Variants in TRAPPC9 observed in about 807,000 individuals in gnomAD.
The protein encoded by TRAPPC9 is trafficking protein particle complex subunit 9.
A neutral mutation model predicts 124.0 loss-of-function variants in TRAPPC9; 83 were observed. The ratio of observed to expected loss-of-function variants is 0.67; its 90% confidence interval spans 0.56 to 0.80. The LOEUF (loss-of-function observed/expected upper bound fraction) is 0.80. TRAPPC9 is among the 30% of genes least tolerant of loss of function. The pLI is 0.00. For synonymous variants in TRAPPC9, 638 were observed against 617.5 expected (o/e 1.03, Z -0.49); for missense variants, 1,302 against 1,508.3 (o/e 0.86, Z 2.27).
intron 17 of TRAPPC9, among the ~76,000 whole-genome samples, chr8:140,072,868 A>C (rs1843273604): frequency 6.6e-6 from 1 of 152,212 alleles, no homozygotes; most frequent in Non-Finnish European, 1.5e-5. Context: ...AGTCTATAAA[A>C]ATACAAACAA....
At chr8:140,108,342 G>C (rs2060704598) in intron 17 of TRAPPC9, among the ~76,000 whole-genome samples, 1 of 152,256 alleles carries the variant, frequency 6.6e-6, no homozygotes, top group Non-Finnish European at 1.5e-5. Context: ...CAGCCTCTCA[G>C]AGTGGATGGG....
intron 17 of TRAPPC9, among the ~76,000 whole-genome samples, chr8:140,128,123 G>A (rs540532111): frequency 2.0e-5 from 3 of 152,228 alleles, no homozygotes; most frequent in Non-Finnish European, 2.9e-5. Flanking sequence ...GTGTTAATTT[G>A]TTTTTATCAA....
At position 139,776,326 on chromosome 8, in the gene TRAPPC9, G is replaced by C. The variant is rs1437439636; in HGVS notation, c.3056-44124C>G. 3.3e-5 allele frequency among the ~76,000 whole-genome samples: 5 copies of C among 152,234 alleles called. No individual in the cohort carries two copies. The highest frequency in any genetic ancestry group is 1.5e-5 in the Non-Finnish European group (1 of 68,050). ...CAGGCCCAAACAGGGGACGTCAGCT[G>C]CTATGTGACGTCATCTCACTCGTCA... On this transcript the variant is annotated intron_variant, in intron 21 of 22. Transcript: ENST00000438773. The surrounding 1 kb of genome is among the most constrained non-coding windows in gnomAD (Gnocchi z 4.1).
At chr8:139,942,091 G>A (rs183050739) in intron 19 of TRAPPC9, among the ~76,000 whole-genome samples, 8 of 152,258 alleles carry the variant, frequency 5.3e-5, no homozygotes, top group African/African-American at 9.6e-5. Flanking sequence ...TAAAAGACTC[G>A]CCTTACTGAT....
intron 17 of TRAPPC9, among the ~76,000 whole-genome samples, chr8:140,106,162 G>C (rs1000150028): frequency 5.3e-5 from 8 of 152,020 alleles, no homozygotes; most frequent in Non-Finnish European, 1.2e-4. Flanking sequence ...TTGCCAGGAC[G>C]AAAGCCTCTC....
At chr8:140,311,156 G>T (rs1398622948) in intron 10 of TRAPPC9, 92 bp downstream of exon 10, 3 of 1,504,054 alleles carry the variant, frequency 2.0e-6, no homozygotes, top group African/African-American at 2.8e-5. Context: ...AACAAAAATG[G>T]GAACTCTTCT....
chr8:139,780,345 G>A (rs1048958535), intron 21 of TRAPPC9, among the ~76,000 whole-genome samples: 21 of 152,228 alleles, frequency 1.4e-4, no homozygotes, highest in African/African-American at 4.8e-4. Flanking sequence ...AACAGATCAC[G>A]GGAACAGAAC....
chr8:139,803,270 G>T (rs767062066), intron 21 of TRAPPC9, among the ~76,000 whole-genome samples: 2 of 152,228 alleles, frequency 1.3e-5, no homozygotes, highest in Non-Finnish European at 2.9e-5. Context: ...CTCTCATCAG[G>T]CTCACAGCCT....
At chr8:140,271,742 T>G (rs531243430) in intron 15 of TRAPPC9, among the ~76,000 whole-genome samples, 1 of 152,306 alleles carries the variant, frequency 6.6e-6, no homozygotes, top group Admixed American at 6.5e-5. Flanking sequence ...ATGAATAACA[T>G]GAGTGCAAAC....
intron 11 of TRAPPC9, among the ~76,000 whole-genome samples, chr8:140,293,454 T>G (rs2065719154): frequency 1.3e-5 from 2 of 152,078 alleles, no homozygotes; most frequent in Non-Finnish European, 2.9e-5. Context: ...AGCAAAGACT[T>G]GGAACCAACC....
chr8:140,062,151 G>C (rs1006337316), intron 17 of TRAPPC9, among the ~76,000 whole-genome samples: 2 of 152,182 alleles, frequency 1.3e-5, no homozygotes, highest in Non-Finnish European at 2.9e-5. Context: ...GCACAGGTCT[G>C]CAGGGCAGGA....
intron 21 of TRAPPC9, among the ~76,000 whole-genome samples, chr8:139,791,581 G>C (rs1343969746): frequency 7.1e-6 from 1 of 141,678 alleles, no homozygotes; most frequent in Non-Finnish European, 1.5e-5. Context: ...CCCCTGCACA[G>C]ACACACACAC....
chr8:140,164,533 C>A (rs2061801048), intron 17 of TRAPPC9, among the ~76,000 whole-genome samples: 1 of 152,184 alleles, frequency 6.6e-6, no homozygotes, highest in Non-Finnish European at 1.5e-5. Flanking sequence ...TCAGCAATGG[C>A]CCAATTTCCT....
intron 18 of TRAPPC9, among the ~76,000 whole-genome samples, chr8:140,015,906 C>A (rs11166944): frequency 1.3e-5 from 2 of 151,746 alleles, no homozygotes; most frequent in Non-Finnish European, 2.9e-5. Context: ...CTACACCTTC[C>A]CCGGCTGCCC....
chr8:139,788,803 G>C lies in TRAPPC9; in HGVS notation c.3056-56601C>G, dbSNP rs537644847. ...ACCCACAAATCACACAACACCCTGG[G>C]CCAGCTGCCTTCACAAGAGGTGTGG... On this transcript the variant is annotated intron_variant, in intron 21 of 22. Coordinates refer to ENST00000438773, the MANE Select transcript of TRAPPC9 (RefSeq NM_001160372.4). This position sits in a 1 kb window ranked among gnomAD's most constrained non-coding sequence, Gnocchi z 4.9. Among the ~76,000 whole-genome samples, 1 of 152,170 alleles carries C rather than the reference G, an allele frequency of 6.6e-6. No individual in the cohort carries two copies. The highest frequency in any genetic ancestry group is 1.5e-5 in the Non-Finnish European group (1 of 68,024).
At chr8:140,316,595 A>T (rs2066449236) in intron 9 of TRAPPC9, among the ~76,000 whole-genome samples, 1 of 152,172 alleles carries the variant, frequency 6.6e-6, no homozygotes, top group Non-Finnish European at 1.5e-5. Context: ...GATGAATTCC[A>T]CTTGATCATG....
At chr8:140,013,287 C>G (rs1023226238) in intron 18 of TRAPPC9, among the ~76,000 whole-genome samples, 2 of 152,132 alleles carry the variant, frequency 1.3e-5, no homozygotes, top group Admixed American at 1.3e-4. Flanking sequence ...TGTACTGGGG[C>G]TCCAAACTTC....
At chr8:140,040,976 T>C (rs191777159) in intron 17 of TRAPPC9, 1 of 152,354 alleles carries the variant, frequency 6.6e-6, no homozygotes, top group African/African-American at 2.4e-5. Flanking sequence ...GTGGAAACAT[T>C]TGATGCTGGC....
At chr8:140,271,100 A>G (rs2064864054) in intron 15 of TRAPPC9, among the ~76,000 whole-genome samples, 1 of 152,254 alleles carries the variant, frequency 6.6e-6, no homozygotes, top group South Asian at 2.1e-4. Flanking sequence ...TTTGCCACGT[A>G]GACTGTAATT....
Sources: gnomAD v4.1 joint callset for allele counts (sites outside exome capture counted in the v4.1 genomes callset) on GRCh38, gnomAD v4.1.1 for gene constraint, Gnocchi (gnomAD v3.1) non-coding constraint, MANE v1.5 for transcripts, NCBI Gene and HGNC (gene_info 2026-07-23, HGNC 2026-07-21) for gene names.